The following PARD3 variants were observed in gnomAD, a reference collection of about 807,000 sequenced individuals.
PARD3 encodes par-3 family cell polarity regulator.
A neutral mutation model predicts 155.4 loss-of-function variants in PARD3; 75 were observed. That is an observed-to-expected ratio of 0.48 (90% CI 0.40 to 0.58). The LOEUF is 0.58. Among genes scored for constraint, PARD3 ranks in the 20% least tolerant of loss-of-function variants. The pLI, the probability that PARD3 is intolerant of heterozygous loss-of-function variation, is 0.00. For synonymous variants in PARD3, 576 were observed against 610.5 expected, an observed-to-expected ratio of 0.94 and a Z score of 0.83; for missense variants, 1,642 against 1,721.7, an observed-to-expected ratio of 0.95 and a Z score of 0.82.
chr10:34,795,752 G>C (rs1180426698), intron 1 of PARD3, among the ~76,000 whole-genome samples: 2 of 152,114 alleles, frequency 1.3e-5, no homozygotes, highest in African/African-American at 4.8e-5. Flanking sequence ...AAATCAGTCA[G>C]GCGTGGTGGT....
chr10:34,361,736 A>C (rs1307125878), intron 12 of PARD3, among the ~76,000 whole-genome samples: 3 of 152,216 alleles, frequency 2.0e-5, no homozygotes, highest in Non-Finnish European at 2.9e-5. Context: ...TAAAGTTAAC[A>C]TTTTATGGTA....
intron 2 of PARD3, among the ~76,000 whole-genome samples, chr10:34,593,567 A>C (rs1365774019): frequency 2.0e-5 from 3 of 152,210 alleles, no homozygotes; most frequent in Non-Finnish European, 4.4e-5. Context: ...CAAACCTATA[A>C]ATCAGTGAAT....
chr10:34,444,935 A>G (rs2076660872), intron 5 of PARD3, among the ~76,000 whole-genome samples: 1 of 152,198 alleles, frequency 6.6e-6, no homozygotes, highest in African/African-American at 2.4e-5. Context: ...TAGAAAACAG[A>G]GCAAAAACAA....
At chr10:34,186,596 C>T (rs1950505881) in intron 22 of PARD3, among the ~76,000 whole-genome samples, 2 of 152,050 alleles carry the variant, frequency 1.3e-5, no homozygotes, top group South Asian at 4.2e-4. Context: ...TCTGATGAGC[C>T]CAGAGTAAGC....
intron 14 of PARD3, among the ~76,000 whole-genome samples, chr10:34,355,924 C>CAAA (rs869284165): frequency 4.4e-3 from 185 of 42,520 alleles, no homozygotes; most frequent in Non-Finnish European, 4.6e-3. Context: ...CACTCCGTCT[C>CAAA]AAAAAAAAAA....
intron 2 of PARD3, among the ~76,000 whole-genome samples, chr10:34,605,059 T>C (rs1564403964): frequency 6.6e-6 from 1 of 152,096 alleles, no homozygotes; most frequent in South Asian, 2.1e-4. Context: ...TTATTATATG[T>C]TTCCTGCTCT....
At chr10:34,692,742 C>T (rs1161334191) in intron 2 of PARD3, among the ~76,000 whole-genome samples, 1 of 152,058 alleles carries the variant, frequency 6.6e-6, no homozygotes, top group Non-Finnish European at 1.5e-5. Flanking sequence ...GGCATGGTGG[C>T]GGGCACCTGT....
At chr10:34,290,436 C>T (rs961438264) in intron 20 of PARD3, among the ~76,000 whole-genome samples, 5 of 152,170 alleles carry the variant, frequency 3.3e-5, no homozygotes, top group Non-Finnish European at 2.9e-5. Flanking sequence ...TCTAAGAAGT[C>T]TTTGCTACAC....
rs1564367656 is a variant in PARD3 at position 34,573,729 on chromosome 10, AAACAAAAACACACAC to A, written c.223-56585_223-56571del. Reference sequence around the variant, plus strand: ...CTCAAAAACAAACAAACAAACAAACAAACAAAAACACACACACACACACACACACACACACACACA... The same window carrying A: ...CTCAAAAACAAACAAACAAACAAACAACACACACACACACACACACACACA... On this transcript the variant is annotated intron_variant, in intron 2 of 24. Coordinates refer to ENST00000374788, the MANE Select transcript of PARD3 (RefSeq NM_001184785.2). 2.3e-3 allele frequency among the ~76,000 whole-genome samples: 210 copies of A among 90,470 alleles called. 1 individual carries two copies. The highest frequency in any genetic ancestry group is 6.8e-3 in the African/African-American group (117 of 17,320). 59.4% of individuals were successfully genotyped at this position (90,470 alleles called of 152,430 possible). A position where few individuals can be genotyped will look rare whatever the true frequency, so the allele number is the denominator to read the frequency against.
intron 3 of PARD3, among the ~76,000 whole-genome samples, chr10:34,502,050 T>C (rs1200559645): frequency 1.3e-5 from 2 of 152,144 alleles, no homozygotes; most frequent in Non-Finnish European, 2.9e-5. Context: ...AGGCAAGCCT[T>C]CACTAGACAC....
chr10:34,418,763 G>A (rs1337345090), intron 5 of PARD3, among the ~76,000 whole-genome samples: 2 of 151,978 alleles, frequency 1.3e-5, no homozygotes, highest in Admixed American at 1.3e-4. Flanking sequence ...TCCCCTGAGA[G>A]AGCTTTAGAA....
chr10:34,732,758 T>A (rs1036400799), intron 1 of PARD3, among the ~76,000 whole-genome samples: 14 of 152,282 alleles, frequency 9.2e-5, no homozygotes, highest in African/African-American at 3.4e-4. Flanking sequence ...TGAGTTAAAA[T>A]TCATATAGAA....
chr10:34,364,396 T>TTC (rs1380976447), intron 12 of PARD3, among the ~76,000 whole-genome samples: 2 of 152,252 alleles, frequency 1.3e-5, no homozygotes, highest in African/African-American at 4.8e-5. Context: ...AATCATTAAT[T>TTC]TCTCTCTCTC....
chr10:34,122,272 T>A (rs1947047324), intron 23 of PARD3, among the ~76,000 whole-genome samples: 2 of 152,194 alleles, frequency 1.3e-5, no homozygotes, highest in Admixed American at 1.3e-4. Flanking sequence ...AATTGCAAGG[T>A]CTTGTAGAAA....
chr10:34,525,183 C>T (rs913024057), intron 2 of PARD3, among the ~76,000 whole-genome samples: 4 of 152,094 alleles, frequency 2.6e-5, no homozygotes, highest in African/African-American at 9.7e-5. Flanking sequence ...AATAAAAACT[C>T]GCTACAGAAC....
At chr10:34,627,524 C>A (rs2092041226) in intron 2 of PARD3, among the ~76,000 whole-genome samples, 1 of 152,162 alleles carries the variant, frequency 6.6e-6, no homozygotes, top group Non-Finnish European at 1.5e-5. Context: ...AGTGTGAACA[C>A]AGAGGCAGAC....
intron 19 of PARD3, among the ~76,000 whole-genome samples, 180 bp from the exon 20 acceptor site, chr10:34,317,518 A>C (rs1273461050): frequency 6.6e-6 from 1 of 152,220 alleles, no homozygotes; most frequent in East Asian, 1.9e-4. Flanking sequence ...TGTGATGTGG[A>C]TGCCTCCTAC....
intron 2 of PARD3, 110 bp downstream of exon 2, chr10:34,696,208 C>A: frequency 1.5e-6 from 1 of 659,132 alleles, no homozygotes; most frequent in Non-Finnish European, 2.7e-6. Context: ...GTGGCCCACA[C>A]ATAATTTAAA....
chr10:34,150,189 A>G (rs1275163938), intron 22 of PARD3, among the ~76,000 whole-genome samples: 2 of 152,318 alleles, frequency 1.3e-5, no homozygotes, highest in East Asian at 3.9e-4. Context: ...GTAAACATCT[A>G]ATCCAGTGCT....
Sources: gnomAD v4.1 joint callset for allele counts (sites outside exome capture counted in the v4.1 genomes callset) on GRCh38, gnomAD v4.1.1 for gene constraint, MANE v1.5 for transcripts, NCBI Gene and HGNC (gene_info 2026-07-23, HGNC 2026-07-21) for gene names.